The following CNTNAP5 variants were observed in gnomAD, a reference collection of about 807,000 sequenced individuals.
CNTNAP5 encodes contactin-associated protein-like 5.
A neutral mutation model predicts 150.2 loss-of-function variants in CNTNAP5; 72 were observed. That is an observed-to-expected ratio of 0.48 (90% CI 0.40 to 0.58). The LOEUF (loss-of-function observed/expected upper bound fraction) is 0.58. CNTNAP5 is among the 20% of genes least tolerant of loss of function. CNTNAP5 has a pLI of 0.00. For synonymous variants in CNTNAP5, 672 were observed against 619.8 expected (o/e 1.08, Z -1.25); for missense variants, 1,636 against 1,626.2 (o/e 1.01, Z -0.10).
intron 21 of CNTNAP5, among the ~76,000 whole-genome samples, chr2:124,885,186 TTTC>T (rs1290076558): frequency 1.4e-4 from 21 of 152,144 alleles, no homozygotes; most frequent in African/African-American, 4.6e-4. Context: ...CTAGGTGGAA[TTTC>T]TTCTTCTTTG....
chr2:124,393,074 A>G (rs1359491221), intron 3 of CNTNAP5, among the ~76,000 whole-genome samples: 1 of 151,978 alleles, frequency 6.6e-6, no homozygotes, highest in Non-Finnish European at 1.5e-5. Context: ...TTTCCTTATC[A>G]TGTAATCTAA....
intron 17 of CNTNAP5, among the ~76,000 whole-genome samples, chr2:124,777,282 A>G (rs956678203): frequency 1.1e-4 from 16 of 152,302 alleles, no homozygotes; most frequent in Middle Eastern, 3.4e-3. Context: ...GAGTGATTAA[A>G]TCATCCTTTC....
intron 13 of CNTNAP5, among the ~76,000 whole-genome samples, chr2:124,677,651 G>C (rs537005743): frequency 6.6e-6 from 1 of 151,732 alleles, no homozygotes; most frequent in African/African-American, 2.4e-5. Context: ...AGTGCTGATT[G>C]GTGCGTTTTT....
At chr2:124,319,133 C>T (rs1689040109) in intron 3 of CNTNAP5, among the ~76,000 whole-genome samples, 1 of 152,228 alleles carries the variant, frequency 6.6e-6, no homozygotes, top group Non-Finnish European at 1.5e-5. Flanking sequence ...AACACATTCA[C>T]TTGTTGAGTG....
At position 124,914,203 on chromosome 2, in the gene CNTNAP5, A is replaced by G. The variant is rs774531952; in HGVS notation, c.3839A>G (p.Tyr1280Cys). ...HRTSQMKEKE[Y>C]PENLDSSFRN... ...ACGAGCCAGATGAAGGAGAAGGAATATCCAGAAAATTTGGACAGTTCCTTC... is the reference window on the plus strand; with the variant it reads ...ACGAGCCAGATGAAGGAGAAGGAATGTCCAGAAAATTTGGACAGTTCCTTC... The change falls in exon 24 of 24, where the codon TAT becomes TGT. Residue 1280 changes from tyrosine to cysteine, a missense_variant. By Grantham distance (194) the Tyr-to-Cys change is radical. Transcript: ENST00000682447. 4.3e-6 allele frequency: 7 copies of G among 1,612,456 alleles called. No homozygotes were observed. The highest frequency in any genetic ancestry group is 5.9e-6 in the Non-Finnish European group (7 of 1,179,000).
chr2:124,400,706 G>A (rs1336160449), intron 3 of CNTNAP5, among the ~76,000 whole-genome samples: 1 of 134,944 alleles, frequency 7.4e-6, no homozygotes, highest in African/African-American at 2.8e-5. Flanking sequence ...TTCTTTAGTG[G>A]AATGTGAAAA....
chr2:124,515,741 C>T (rs1462078724), intron 8 of CNTNAP5, among the ~76,000 whole-genome samples: 1 of 152,076 alleles, frequency 6.6e-6, no homozygotes, highest in Non-Finnish European at 1.5e-5. Flanking sequence ...GTATGGAAGC[C>T]CCAATTCACT....
intron 23 of CNTNAP5, 101 bp downstream of exon 23, chr2:124,911,639 A>G: frequency 5.6e-6 from 5 of 890,132 alleles, no homozygotes; most frequent in Non-Finnish European, 9.0e-6. Context: ...TCCAGCACTC[A>G]GAGCCCCCTA....
chr2:124,756,782 A>T (rs1412187925), intron 14 of CNTNAP5, among the ~76,000 whole-genome samples: 1 of 152,028 alleles, frequency 6.6e-6, no homozygotes, highest in African/African-American at 2.4e-5. Flanking sequence ...TGGGAGTGGG[A>T]GGAGGGAGAG....
At chr2:124,424,155 G>A (rs1006209856) in intron 4 of CNTNAP5, among the ~76,000 whole-genome samples, 2 of 152,184 alleles carry the variant, frequency 1.3e-5, no homozygotes, top group African/African-American at 4.8e-5. Context: ...CAGAGCTGAA[G>A]TCATATTCTC....
chr2:124,804,618 T>C (rs563425111), intron 19 of CNTNAP5, among the ~76,000 whole-genome samples: 2 of 152,186 alleles, frequency 1.3e-5, no homozygotes, highest in East Asian at 1.9e-4. Context: ...TCCTGCTCTC[T>C]CTTTGAATGC....
chr2:124,510,305 A>ATATC (rs1558933306), intron 8 of CNTNAP5, among the ~76,000 whole-genome samples: 10 of 96,284 alleles, frequency 1.0e-4, no homozygotes, highest in African/African-American at 3.2e-4. Flanking sequence ...ATATATCTAT[A>ATATC]TATATATCTA....
At chr2:124,839,771 C>A (rs1207690846) in intron 19 of CNTNAP5, among the ~76,000 whole-genome samples, 2 of 152,132 alleles carry the variant, frequency 1.3e-5, no homozygotes, top group Non-Finnish European at 2.9e-5. Context: ...CACTGAACTT[C>A]CCATCAGAAG....
intron 1 of CNTNAP5, among the ~76,000 whole-genome samples, chr2:124,204,584 G>A (rs973760038): frequency 6.6e-6 from 1 of 152,152 alleles, no homozygotes; most frequent in Non-Finnish European, 1.5e-5. Context: ...AAGAAAAAGA[G>A]GTTTAATGCA....
At chr2:124,027,905 T>G (rs973533686) in intron 1 of CNTNAP5, among the ~76,000 whole-genome samples, 1 of 152,196 alleles carries the variant, frequency 6.6e-6, no homozygotes, top group South Asian at 2.1e-4. Flanking sequence ...TCATAACCTA[T>G]GATGCAGAAG....
intron 3 of CNTNAP5, among the ~76,000 whole-genome samples, chr2:124,340,477 C>T (rs1326757433): frequency 6.6e-6 from 1 of 151,870 alleles, no homozygotes; most frequent in Non-Finnish European, 1.5e-5. Flanking sequence ...ATTGAATGTG[C>T]CCAAATAATA....
At chr2:124,605,802 ACT>A (rs1357008538) in intron 11 of CNTNAP5, among the ~76,000 whole-genome samples, 1 of 132,318 alleles carries the variant, frequency 7.6e-6, no homozygotes, top group Non-Finnish European at 1.6e-5. Context: ...ACCGAGCAAG[ACT>A]CTGTCAAAAA....
intron 1 of CNTNAP5, among the ~76,000 whole-genome samples, chr2:124,142,523 C>G (rs1684141572): frequency 6.9e-6 from 1 of 143,988 alleles, no homozygotes; most frequent in African/African-American, 2.6e-5. Context: ...ACTGAACAAC[C>G]TGCTCCTGAA....
chr2:124,263,177 G>A (rs1291718615), intron 3 of CNTNAP5, among the ~76,000 whole-genome samples: 3 of 152,148 alleles, frequency 2.0e-5, no homozygotes, highest in Non-Finnish European at 4.4e-5. Context: ...TAATGAGATG[G>A]CTGGGTCAAA....
Sources: allele counts gnomAD v4.1 joint callset (sites outside exome capture counted in the v4.1 genomes callset), GRCh38; gene constraint gnomAD v4.1.1; transcripts MANE v1.5; gene names NCBI Gene and HGNC (gene_info 2026-07-23, HGNC 2026-07-21).